The following MX1 variants were observed in gnomAD, a reference collection of about 807,000 sequenced individuals.
MX1 encodes interferon-induced GTP-binding protein Mx1.
In MX1, 66 loss-of-function variants were observed where a neutral mutation model predicts 66.4. The ratio of observed to expected loss-of-function variants is 0.99; its 90% confidence interval spans 0.82 to 1.22. The LOEUF (loss-of-function observed/expected upper bound fraction) is 1.22, where lower values mean the gene tolerates loss of function less well. Among genes scored for constraint, MX1 ranks in the 50% most tolerant of loss-of-function variants. The probability of loss-of-function intolerance (pLI) is 0.00; values close to 1 mark genes in which losing one functional copy is unlikely to be tolerated. For missense variants in MX1, 787 were observed against 834.3 expected (o/e 0.94, Z 0.70); for synonymous variants, 311 against 318.1 (o/e 0.98, Z 0.24).
intron 13 of MX1, among the ~76,000 whole-genome samples, 195 bp from the exon 14 acceptor site, chr21:41,448,942 G>GCC (rs1240170454): frequency 2.6e-3 from 96 of 36,856 alleles, no homozygotes; most frequent in African/African-American, 0.025. Flanking sequence ...GTGTGTGTGT[G>GCC]TGTGTGTGTG....
chr21:41,444,634 A>G (rs1384647851), intron 11 of MX1, among the ~76,000 whole-genome samples: 1 of 152,042 alleles, frequency 6.6e-6, no homozygotes, highest in Admixed American at 6.5e-5. Context: ...TTTCCAGCCG[A>G]CCATGATGAG....
At chr21:41,448,443 ATTAT>A (rs2090725778) in intron 13 of MX1, among the ~76,000 whole-genome samples, 2 of 152,210 alleles carry the variant, frequency 1.3e-5, no homozygotes, top group African/African-American at 4.8e-5. Flanking sequence ...CAAGGAGTGT[ATTAT>A]GGTACAATTT....
At chr21:41,426,774 TC>T (rs1378782800) in intron 1 of MX1, 1 of 152,288 alleles carries the variant, frequency 6.6e-6, no homozygotes, top group Non-Finnish European at 1.5e-5. Context: ...TTCTCGCCGA[TC>T]CTGCTGAATA....
chr21:41,444,318 C>CTTTTTTT (rs11317486), intron 11 of MX1, among the ~76,000 whole-genome samples: 38 of 71,538 alleles, frequency 5.3e-4, no homozygotes, highest in Non-Finnish European at 7.1e-4. Flanking sequence ...TCTTTTCTTT[C>CTTTTTTT]TTTTTTTTTT....
In MX1 at chr21:41,452,761, G is replaced by A. The variant is rs2090865846; in HGVS notation, c.1650G>A (p.Leu550=). Residue 550 remains leucine (L), a synonymous_variant, in exon 16 of 17, where the codon CTG becomes CTA. Coordinates refer to ENST00000398598, the MANE Select transcript of MX1 (RefSeq NM_002462.5). ...TGCAGAAGGTCAGAGAGAAGGAGCTGGAAGAAGAAAAGAAGAAGAAATCCT... is the reference window on the plus strand; with the variant it reads ...TGCAGAAGGTCAGAGAGAAGGAGCTAGAAGAAGAAAAGAAGAAGAAATCCT... ...GALQKVREKE[L]EEEKKKKSWD... The A allele has an allele frequency of 6.2e-7, 1 of 1,614,182 alleles. No homozygotes were observed. Among genetic ancestry groups the A allele is most frequent in the Non-Finnish European group, 8.5e-7 (1 of 1,180,036 alleles).
intron 6 of MX1, among the ~76,000 whole-genome samples, chr21:41,436,624 C>G (rs1568974939): frequency 1.3e-5 from 2 of 152,006 alleles, no homozygotes; most frequent in Non-Finnish European, 2.9e-5. Context: ...TGTAAGGTGG[C>G]CTGGTAGCAG....
In MX1 at chr21:41,441,055, G is replaced by GTGAGACTGGGGGAGCCCGCCTGTGCTCGA; in HGVS notation, c.730+35_730+36insCTGGGGGAGCCCGCCTGTGCTCGATGAGA. ...GAGTGGGGGAGCCCCACTGTGCTCAGTGAGAATGGGGGAGCCCGCCTGTGC... is the reference window on the plus strand; with the variant it reads ...GAGTGGGGGAGCCCCACTGTGCTCAGTGAGACTGGGGGAGCCCGCCTGTGCTCGATGAGAATGGGGGAGCCCGCCTGTGC... On this transcript the variant is annotated intron_variant, in intron 9 of 16. Coordinates refer to ENST00000398598, the MANE Select transcript of MX1 (RefSeq NM_002462.5). The surrounding 1 kb of genome is among the most constrained non-coding windows in gnomAD (Gnocchi z 4.0). 6.6e-7 allele frequency: 1 copy of GTGAGACTGGGGGAGCCCGCCTGTGCTCGA among 1,504,066 alleles called. No individual in the cohort carries two copies. Among genetic ancestry groups the GTGAGACTGGGGGAGCCCGCCTGTGCTCGA allele is most frequent in the Non-Finnish European group, 9.1e-7 (1 of 1,097,756 alleles). 93.2% of individuals were successfully genotyped at this position (1,504,066 alleles called of 1,614,324 possible).
At chr21:41,425,246 G>A (rs2090038088), upstream of MX1, among the ~76,000 whole-genome samples, 1 of 152,252 alleles carries the variant, frequency 6.6e-6, no homozygotes, top group African/African-American at 2.4e-5. Flanking sequence ...AGCGAAGGGA[G>A]ATAGGGGTGG....
intron 13 of MX1, among the ~76,000 whole-genome samples, chr21:41,447,148 G>T (rs557464914): frequency 6.6e-6 from 1 of 152,146 alleles, no homozygotes; most frequent in Non-Finnish European, 1.5e-5. Context: ...CAAGATGTTG[G>T]TGGAGCTGGT....
At chr21:41,420,891 A>C (rs942134164) in intron 1 of MX1, 1 of 152,338 alleles carries the variant, frequency 6.6e-6, no homozygotes, top group African/African-American at 2.4e-5. Flanking sequence ...TTGCCCCTCC[A>C]CACCTGTGGG....
chr21:41,441,521 C>T lies in MX1; in HGVS notation c.731-195C>T. 3 of 615,036 alleles carry T rather than the reference C, an allele frequency of 4.9e-6. No individual in the cohort carries two copies. The highest frequency in any genetic ancestry group is 3.8e-5 in the South Asian group (2 of 52,332). The allele number at this position is 615,036 out of a possible 1,614,324, so 38.1% of individuals were successfully genotyped here. A position where few individuals can be genotyped will look rare whatever the true frequency, so the allele number is the denominator to read the frequency against. On this transcript the variant is annotated intron_variant, in intron 9 of 16. Coordinates refer to ENST00000398598, the MANE Select transcript of MX1 (RefSeq NM_002462.5). The surrounding 1 kb of genome is among the most constrained non-coding windows in gnomAD (Gnocchi z 4.0). Reference sequence around the variant, plus strand: ...CCACATGCTGTTCTGGGAGGCATCCCTGCCTTCACGCGGCTTGTCGTGGAG... The same window carrying T: ...CCACATGCTGTTCTGGGAGGCATCCTTGCCTTCACGCGGCTTGTCGTGGAG...
upstream of MX1, among the ~76,000 whole-genome samples, chr21:41,423,472 G>T (rs867824191): frequency 5.3e-4 from 80 of 152,212 alleles, no homozygotes; most frequent in African/African-American, 1.9e-3. Flanking sequence ...GGCAATAGAT[G>T]ATTGGCTATT....
intron 3 of MX1, chr21:41,429,367 C>T (rs1179659464): frequency 6.6e-6 from 1 of 152,206 alleles, no homozygotes; most frequent in Non-Finnish European, 1.5e-5. Flanking sequence ...AGGGAATCTA[C>T]TCACCAAGTC....
chr21:41,424,818 A>T (rs1424126979), upstream of MX1, among the ~76,000 whole-genome samples: 1 of 152,244 alleles, frequency 6.6e-6, no homozygotes, highest in East Asian at 1.9e-4. Flanking sequence ...CTCATGCCCA[A>T]AATGGCTGCC....
chr21:41,434,717 G>A (rs2090313682), intron 5 of MX1, among the ~76,000 whole-genome samples: 1 of 152,132 alleles, frequency 6.6e-6, no homozygotes, highest in Non-Finnish European at 1.5e-5. Flanking sequence ...TCTCTGCTCT[G>A]AGCCTTCATA....
rs1156411560 is a variant in MX1, at chr21:41,458,733, GCCGGCTTGC to G, written c.1967_1975del (p.Arg656_Ala658del). On this transcript the variant is annotated inframe_deletion, in exon 17 of 17. Transcript: ENST00000398598. The stretch of plus-strand genomic sequence containing the variant: ...CTTGCACGGCTGACGCAGGCTCGGC[GCCGGCTTGC>G]CCAGTTCCCCGGTTAACCACACTCT... The G allele has an allele frequency of 4.3e-6, 7 of 1,612,990 alleles. No individual in the cohort carries two copies. Among genetic ancestry groups the G allele is most frequent in the Non-Finnish European group, 5.9e-6 (7 of 1,180,010 alleles).
At chr21:41,444,299 C>A (rs1467613554) in intron 11 of MX1, among the ~76,000 whole-genome samples, 1 of 113,020 alleles carries the variant, frequency 8.8e-6, no homozygotes, top group Non-Finnish European at 1.9e-5. Flanking sequence ...TTCAAATTTT[C>A]TTTTCTTTTC....
chr21:41,452,544 G>A (rs746233480), intron 15 of MX1, 77 bp from the exon 16 acceptor site: 101 of 1,488,762 alleles, frequency 6.8e-5, no homozygotes, highest in Non-Finnish European at 8.6e-5. Flanking sequence ...TGGTATTTAC[G>A]GACTTCTTAC....
In MX1 at chr21:41,445,685, G is replaced by T. The variant is rs469382; in HGVS notation, c.1131+115G>T. 58 of 1,427,774 alleles carry T rather than the reference G, an allele frequency of 4.1e-5. No individual in the cohort carries two copies. In the African/African-American group the frequency reaches 8.0e-4, roughly 20 times the overall value. The allele number at this position is 1,427,774 out of a possible 1,614,324, so 88.4% of individuals were successfully genotyped here. A position where few individuals can be genotyped will look rare whatever the true frequency, so the allele number is the denominator to read the frequency against. On this transcript the variant is annotated intron_variant, in intron 12 of 16. Transcript: ENST00000398598. ...CCCAAGGCTGATCCAAAGACATCTG[G>T]CCCGTAGCACTCAAAGGGTGGACAG...
Sources: gnomAD v4.1 joint callset for allele counts (sites outside exome capture counted in the v4.1 genomes callset) on GRCh38, gnomAD v4.1.1 for gene constraint, Gnocchi (gnomAD v3.1) non-coding constraint, MANE v1.5 for transcripts, NCBI Gene and HGNC (gene_info 2026-07-23, HGNC 2026-07-21) for gene names.